The following SMARCB1 variants were observed in gnomAD, a reference collection of about 807,000 sequenced individuals.
The protein encoded by SMARCB1 is SWI/SNF related BAF chromatin remodeling complex subunit B1.
A neutral mutation model predicts 49.0 loss-of-function variants in SMARCB1; 5 were observed. That is an observed-to-expected ratio of 0.10 (90% CI 0.05 to 0.21). The LOEUF (loss-of-function observed/expected upper bound fraction) is 0.21, where lower values mean the gene tolerates loss of function less well. SMARCB1 is among the 10% of genes least tolerant of loss of function. The pLI, the probability that SMARCB1 is intolerant of heterozygous loss-of-function variation, is 1.00. For missense variants in SMARCB1, 226 were observed against 509.2 expected, an observed-to-expected ratio of 0.44 and a Z score of 5.35; for synonymous variants, 201 against 200.1, an observed-to-expected ratio of 1.00 and a Z score of -0.04.
At chr22:23,828,311 A>G (rs937939165) in intron 7 of SMARCB1, among the ~76,000 whole-genome samples, 22 of 150,538 alleles carry the variant, frequency 1.5e-4, no homozygotes, top group Middle Eastern at 3.4e-3. Context: ...TCGGCCTCCC[A>G]AAGTGCTGGG....
chr22:23,807,587 T>C (rs950395128), intron 5 of SMARCB1, among the ~76,000 whole-genome samples: 1 of 84,760 alleles, frequency 1.2e-5, no homozygotes, highest in African/African-American at 3.2e-5. Flanking sequence ...AAACTTTTTT[T>C]TTAAAGTTAA....
In SMARCB1 at chr22:23,837,018, A is replaced by G; in HGVS notation, c.*2838A>G. 1 of 1,611,706 alleles carries G rather than the reference A, an allele frequency of 6.2e-7. No individual in the cohort carries two copies. On this transcript the variant is annotated 3_prime_UTR_variant, in exon 9 of 9. Transcript: ENST00000644036. ...CCAGCACAGGTCCCCATCGGTGGGG[A>G]TCCTTCTGAGGGTGGGGAGAGGGAG... is the stretch of plus-strand genomic sequence containing the variant.
At chr22:23,827,363 A>AC (rs2087274118) in intron 7 of SMARCB1, among the ~76,000 whole-genome samples, 1 of 152,112 alleles carries the variant, frequency 6.6e-6, no homozygotes. Flanking sequence ...TCCTGCTCTG[A>AC]CCCGAAGGTG....
chr22:23,818,775 A>G (rs1222844621), intron 6 of SMARCB1: 1 of 152,154 alleles, frequency 6.6e-6, no homozygotes, highest in Non-Finnish European at 1.5e-5. Context: ...TGACTGGCTT[A>G]TTTCACTTAG....
chr22:23,834,195 C>T lies in SMARCB1; in HGVS notation c.*15C>T. The T allele has an allele frequency of 6.3e-7, 1 of 1,579,032 alleles. No individual in the cohort carries two copies. Among genetic ancestry groups the T allele is most frequent in the Non-Finnish European group, 8.6e-7 (1 of 1,162,344 alleles). ...CGGCCTGGTAACCAGCCCATCAGCA[C>T]ACGGCTCCCACGGAGCATCTCAGAA... On this transcript the variant is annotated 3_prime_UTR_variant, in exon 9 of 9. Transcript: ENST00000644036.
chr22:23,837,865 G>A lies in SMARCB1; in HGVS notation c.*3685G>A. The stretch of plus-strand genomic sequence containing the variant: ...CAGGAGTCCCAGCAGCTGGGCCAGA[G>A]TCAAGGTGCTCCGGTGCAGGCCTCA... On this transcript the variant is annotated 3_prime_UTR_variant, in exon 9 of 9. Coordinates refer to ENST00000644036, the MANE Select transcript of SMARCB1 (RefSeq NM_003073.5). 1 of 1,608,130 alleles carries A rather than the reference G, an allele frequency of 6.2e-7. No individual in the cohort carries two copies. The highest frequency in any genetic ancestry group is 1.3e-5 in the African/African-American group (1 of 74,916).
chr22:23,799,747 C>T (rs1234173860), intron 3 of SMARCB1, among the ~76,000 whole-genome samples: 1 of 132,958 alleles, frequency 7.5e-6, no homozygotes, highest in Non-Finnish European at 1.5e-5. Context: ...TGCAGTGGCG[C>T]AATGTTGGCT....
At chr22:23,799,272 G>C (rs914802695) in intron 3 of SMARCB1, among the ~76,000 whole-genome samples, 1 of 151,452 alleles carries the variant, frequency 6.6e-6, no homozygotes, top group African/African-American at 2.4e-5. Context: ...GTTTAAAACA[G>C]CTTTTGGTAT....
At chr22:23,803,595 T>C (rs1053876838) in intron 5 of SMARCB1, 173 bp downstream of exon 5, 2 of 770,798 alleles carry the variant, frequency 2.6e-6, no homozygotes, top group East Asian at 2.7e-5. Flanking sequence ...TCTGTTGCTG[T>C]TCACTGTGGA....
intron 7 of SMARCB1, among the ~76,000 whole-genome samples, chr22:23,833,238 C>T (rs975354205): frequency 2.0e-5 from 3 of 152,190 alleles, no homozygotes; most frequent in African/African-American, 4.8e-5. Context: ...GGCACTGTGG[C>T]ATCAGCATGG....
intron 6 of SMARCB1, among the ~76,000 whole-genome samples, chr22:23,821,870 AAAAAAAG>A (rs1336536878): frequency 1.3e-5 from 2 of 151,630 alleles, no homozygotes; most frequent in African/African-American, 4.8e-5. Context: ...CTCAAAAAAA[AAAAAAAG>A]AAAAAAGAGA....
In SMARCB1 at chr22:23,834,429, G is replaced by A. The variant is rs1250396270; in HGVS notation, c.*249G>A. On this transcript the variant is annotated 3_prime_UTR_variant, in exon 9 of 9. Coordinates refer to ENST00000644036, the MANE Select transcript of SMARCB1 (RefSeq NM_003073.5). ...GGGTCAGGAAGAAACCTTATTTTAGGTTGTGTTTTGTTTTTGTATAGGAGC... is the reference window on the plus strand; with the variant it reads ...GGGTCAGGAAGAAACCTTATTTTAGATTGTGTTTTGTTTTTGTATAGGAGC... 8 of 681,878 alleles carry A rather than the reference G, an allele frequency of 1.2e-5. No individual in the cohort carries two copies. Among genetic ancestry groups the A allele is most frequent in the South Asian group, 4.5e-5 (3 of 66,230 alleles). 42.2% of individuals were successfully genotyped at this position (681,878 alleles called of 1,614,324 possible).
At chr22:23,811,333 G>A (rs774151261) in intron 5 of SMARCB1, among the ~76,000 whole-genome samples, 8 of 152,102 alleles carry the variant, frequency 5.3e-5, no homozygotes, top group Non-Finnish European at 8.8e-5. Context: ...CTCAACAACC[G>A]ATGGAACTGG....
chr22:23,803,250 G>C, intron 4 of SMARCB1, 45 bp from the exon 5 acceptor site: 1 of 1,613,532 alleles, frequency 6.2e-7, no homozygotes, highest in Non-Finnish European at 8.5e-7. Context: ...TGCATACCTA[G>C]GGCTCCGGCC....
In SMARCB1 at chr22:23,787,120, C is replaced by G; in HGVS notation, c.-50C>G. ...CAGCACGCCCCGGCCCCGCCCCAGC[C>G]CTCCTGATCCCTCGCAGCCCGGCTC... On this transcript the variant is annotated 5_prime_UTR_variant, in exon 1 of 9. Coordinates refer to ENST00000644036, the MANE Select transcript of SMARCB1 (RefSeq NM_003073.5). 1 of 1,191,068 alleles carries G rather than the reference C, an allele frequency of 8.4e-7. No individual in the cohort carries two copies. The highest frequency in any genetic ancestry group is 1.5e-5 in the African/African-American group (1 of 65,640). 73.8% of individuals were successfully genotyped at this position (1,191,068 alleles called of 1,614,324 possible).
At chr22:23,812,426 C>T (rs1409302582) in intron 5 of SMARCB1, among the ~76,000 whole-genome samples, 1 of 152,136 alleles carries the variant, frequency 6.6e-6, no homozygotes, top group Non-Finnish European at 1.5e-5. Flanking sequence ...ACCAATTCTA[C>T]ACAATCTCTT....
intron 6 of SMARCB1, among the ~76,000 whole-genome samples, chr22:23,819,633 G>T (rs2029970706): frequency 6.6e-6 from 1 of 152,082 alleles, no homozygotes; most frequent in Non-Finnish European, 1.5e-5. Flanking sequence ...GTGAGCCCCT[G>T]TGTCTGGCCC....
chr22:23,813,368 G>A (rs5760044), intron 5 of SMARCB1, among the ~76,000 whole-genome samples: 140,455 of 152,324 alleles, frequency 0.92, 64,928 homozygotes, highest in Middle Eastern at 0.97. Flanking sequence ...ATGATTGTCC[G>A]TGTAGAAAAT....
intron 1 of SMARCB1, among the ~76,000 whole-genome samples, chr22:23,789,076 G>A (rs1179541912): frequency 6.6e-6 from 1 of 152,104 alleles, no homozygotes; most frequent in Non-Finnish European, 1.5e-5. Flanking sequence ...TCTTAAACTT[G>A]TGAGCTCAAG....
Sources: gnomAD v4.1 joint callset for allele counts (sites outside exome capture counted in the v4.1 genomes callset) on GRCh38, gnomAD v4.1.1 for gene constraint, MANE v1.5 for transcripts, NCBI Gene and HGNC (gene_info 2026-07-23, HGNC 2026-07-21) for gene names.